TULP4: variants seen among roughly 807,000 people sequenced by gnomAD.
TULP4 encodes TUB like protein 4.
A neutral mutation model predicts 129.0 loss-of-function variants in TULP4; 16 were observed. That is an observed-to-expected ratio of 0.12 (90% confidence interval 0.08 to 0.19). TULP4 has a LOEUF of 0.19. Among genes scored for constraint, TULP4 ranks in the 10% least tolerant of loss-of-function variants. The probability of loss-of-function intolerance (pLI) is 1.00; values close to 1 mark genes in which losing one functional copy is unlikely to be tolerated. For synonymous variants in TULP4, 998 were observed against 854.0 expected (o/e 1.17, Z -2.94); for missense variants, 1,842 against 2,059.1 (o/e 0.89, Z 2.04).
chr6:158,239,540 C>T (rs1777809844), intron 1 of TULP4, among the ~76,000 whole-genome samples: 1 of 58,234 alleles, frequency 1.7e-5, no homozygotes, highest in South Asian at 6.6e-4. Flanking sequence ...GGCAGCCGGG[C>T]AGAGGCGCCC....
At chr6:158,264,793 T>C (rs1778420453) in intron 1 of TULP4, among the ~76,000 whole-genome samples, 1 of 151,262 alleles carries the variant, frequency 6.6e-6, no homozygotes, top group South Asian at 2.1e-4. Flanking sequence ...TCCATGCCTC[T>C]AAGTTCTACA....
intron 1 of TULP4, among the ~76,000 whole-genome samples, chr6:158,320,430 G>A (rs1779597641): frequency 1.4e-5 from 2 of 142,826 alleles, no homozygotes; most frequent in Admixed American, 1.5e-4. Context: ...CATTTAACAG[G>A]AATTTTTTTT....
chr6:158,462,845 G>A (rs1475246326), intron 6 of TULP4, among the ~76,000 whole-genome samples: 1 of 150,590 alleles, frequency 6.6e-6, no homozygotes, highest in Non-Finnish European at 1.5e-5. Context: ...CTCCTCCCGG[G>A]TTCAAGCAAT....
chr6:158,304,471 C>T lies in TULP4; in HGVS notation n.117-7580C>T, dbSNP rs370948481. On this transcript the variant is annotated intron_variant and non_coding_transcript_variant, in intron 1 of 1. Transcript: ENST00000432358. The stretch of plus-strand genomic sequence containing the variant: ...TCTGTGGAGGTCAGCATTATTTATT[C>T]TTAATGAAAACACCCAGGATTGCCC... 6.6e-5 allele frequency among the ~76,000 whole-genome samples: 10 copies of T among 152,190 alleles called. 1 individual carries two copies. Among genetic ancestry groups the T allele is most frequent in the African/African-American group, 2.2e-4 (9 of 41,526 alleles).
intron 1 of TULP4, among the ~76,000 whole-genome samples, chr6:158,336,319 C>T (rs112866268): frequency 0.013 from 1,958 of 152,264 alleles, 45 homozygotes; most frequent in African/African-American, 0.045. Context: ...ATATTGGAGA[C>T]AGTAATATTA....
intron 1 of TULP4, chr6:158,241,855 A>G (rs1011264506): frequency 1.5e-6 from 1 of 653,478 alleles, no homozygotes; most frequent in Non-Finnish European, 2.9e-6. Flanking sequence ...CGCCTCCCAA[A>G]GTGCTGGGAT....
intron 1 of TULP4, among the ~76,000 whole-genome samples, chr6:158,236,795 CTTTTTTTTTTTTTTTTTTTTTTTTTT>C (rs71030149): frequency 3.2e-5 from 2 of 63,302 alleles, no homozygotes; most frequent in South Asian, 5.8e-4. Flanking sequence ...CAATTCTTTT[CTTTTTTTTTTTTTTTTTTTTTTTTTT>C]TTTTTTTTTT....
intron 1 of TULP4, among the ~76,000 whole-genome samples, chr6:158,243,552 T>C (rs917493877): frequency 6.6e-6 from 1 of 151,832 alleles, no homozygotes; most frequent in Admixed American, 6.6e-5. Flanking sequence ...TTCTCTATCT[T>C]TTTTTTTCTT....
chr6:158,496,229 G>A (rs1390040455), intron 11 of TULP4, among the ~76,000 whole-genome samples: 5 of 152,220 alleles, frequency 3.3e-5, no homozygotes, highest in South Asian at 2.1e-4. Context: ...AGCCAGGGGG[G>A]CCGTGGCCCT....
chr6:158,305,324 CGTGTGTGTGTGTGTGTGTGT>C (rs34836137), intron 1 of TULP4, among the ~76,000 whole-genome samples: 2 of 141,748 alleles, frequency 1.4e-5, no homozygotes, highest in African/African-American at 2.6e-5. Context: ...ATTCTGTGTG[CGTGTGTGTGTGTGTGTGTGT>C]GTGTGTGTGT....
chr6:158,235,950 A>G (rs1238804067), intron 1 of TULP4, among the ~76,000 whole-genome samples: 1 of 152,258 alleles, frequency 6.6e-6, no homozygotes, highest in Non-Finnish European at 1.5e-5. Flanking sequence ...GGATAAAACC[A>G]GTACGTGTGT....
At position 158,486,477 on chromosome 6, in the gene TULP4, T is replaced by C. The variant is rs553441845; in HGVS notation, c.1487-3111T>C. On this transcript the variant is annotated intron_variant, in intron 8 of 13. Transcript: ENST00000367097. ...CTGAGGCAGGAGAATGGCGTGAACC[T>C]GGGAGGCGGAGCTTGCAGTGAGCCG... Among the ~76,000 whole-genome samples, 14 of 151,756 alleles carry C rather than the reference T, an allele frequency of 9.2e-5. No homozygotes were observed. The South Asian group carries it at 1.0e-3, about 11-fold the overall frequency.
intron 1 of TULP4, among the ~76,000 whole-genome samples, chr6:158,261,845 A>G (rs1393645322): frequency 2.0e-5 from 3 of 152,134 alleles, no homozygotes; most frequent in East Asian, 1.9e-4. Flanking sequence ...CTGGAGCTCA[A>G]TAATCACACC....
chr6:158,468,814 G>A (rs549389105), intron 6 of TULP4, among the ~76,000 whole-genome samples: 3 of 152,310 alleles, frequency 2.0e-5, no homozygotes, highest in Non-Finnish European at 2.9e-5. Context: ...CATAGATGGC[G>A]CCTTGTGCCT....
At chr6:158,326,264 C>G (rs1268592312) in intron 1 of TULP4, among the ~76,000 whole-genome samples, 1 of 152,128 alleles carries the variant, frequency 6.6e-6, no homozygotes, top group African/African-American at 2.4e-5. Flanking sequence ...CTTCCTACAT[C>G]TTCAGCATAA....
At chr6:158,456,182 A>AC (rs1170103680) in intron 5 of TULP4, among the ~76,000 whole-genome samples, 1 of 152,192 alleles carries the variant, frequency 6.6e-6, no homozygotes, top group African/African-American at 2.4e-5. Context: ...TAGAACTCTT[A>AC]CTGTGACCAA....
chr6:158,344,980 G>A (rs1383265518), intron 1 of TULP4, among the ~76,000 whole-genome samples: 1 of 152,202 alleles, frequency 6.6e-6, no homozygotes, highest in African/African-American at 2.4e-5. Context: ...CAGGCTTATT[G>A]CTGATATGGA....
chr6:158,258,781 CT>C (rs1467402993), intron 1 of TULP4, among the ~76,000 whole-genome samples: 2 of 152,212 alleles, frequency 1.3e-5, no homozygotes, highest in Non-Finnish European at 2.9e-5. Flanking sequence ...TCGGAAGCTG[CT>C]TTTTGTAAAA....
At chr6:158,334,726 A>C (rs1454140075) in intron 1 of TULP4, among the ~76,000 whole-genome samples, 1 of 152,246 alleles carries the variant, frequency 6.6e-6, no homozygotes, top group Admixed American at 6.5e-5. Flanking sequence ...TCACATGTTG[A>C]AACTTTACAG....
Sources: allele counts gnomAD v4.1 joint callset (sites outside exome capture counted in the v4.1 genomes callset), GRCh38; gene constraint gnomAD v4.1.1; transcripts MANE v1.5; gene names NCBI Gene and HGNC (gene_info 2026-07-23, HGNC 2026-07-21).